The following TMEM71 variants were observed in gnomAD, a reference collection of about 807,000 sequenced individuals.
The protein encoded by TMEM71 is transmembrane protein 71.
Under a neutral mutation model 38.0 loss-of-function variants are expected in TMEM71, and 44 were observed. That is an observed-to-expected ratio of 1.16 (90% CI 0.91 to 1.49). TMEM71 has a LOEUF of 1.49. TMEM71 is among the 40% of genes most tolerant of loss of function. The pLI, the probability that TMEM71 is intolerant of heterozygous loss-of-function variation, is 0.00. For missense variants in TMEM71, 367 were observed against 348.6 expected (o/e 1.05, Z -0.42); for synonymous variants, 133 against 122.5 (o/e 1.09, Z -0.56).
intron 5 of TMEM71, among the ~76,000 whole-genome samples, chr8:132,746,458 T>C (rs150929100): frequency 0.11 from 1,205 of 10,742 alleles, 7 homozygotes; most frequent in Non-Finnish European, 0.17. Context: ...TATACATATA[T>C]ATATACATAT....
At chr8:132,756,776 A>T (rs1050039543) in intron 3 of TMEM71, among the ~76,000 whole-genome samples, 29 of 151,844 alleles carry the variant, frequency 1.9e-4, no homozygotes, top group African/African-American at 7.0e-4. Flanking sequence ...TAGTAGAGAC[A>T]AGGTTTCACC....
At chr8:132,750,533 A>G (rs916100500) in intron 4 of TMEM71, among the ~76,000 whole-genome samples, 3 of 152,176 alleles carry the variant, frequency 2.0e-5, no homozygotes, top group Admixed American at 2.0e-4. Flanking sequence ...CTTGATTCCA[A>G]CTGAAGCCAA....
chr8:132,749,173 C>A (rs1828554714), intron 4 of TMEM71, among the ~76,000 whole-genome samples: 1 of 152,068 alleles, frequency 6.6e-6, no homozygotes, highest in Admixed American at 6.5e-5. Flanking sequence ...TGTAAGAAAA[C>A]CACCTTGCAA....
chr8:132,756,148 G>A (rs1828989978), intron 3 of TMEM71, among the ~76,000 whole-genome samples: 1 of 151,886 alleles, frequency 6.6e-6, no homozygotes, highest in African/African-American at 2.4e-5. Context: ...AGGAATAAGA[G>A]ACAGTCAGAG....
At chr8:132,732,299 T>C (rs1563748620) in intron 5 of TMEM71, among the ~76,000 whole-genome samples, 1 of 151,716 alleles carries the variant, frequency 6.6e-6, no homozygotes, top group Non-Finnish European at 1.5e-5. Context: ...GAAGGATGAG[T>C]AACAGTTCTT....
chr8:132,751,774 G>T lies in TMEM71; in HGVS notation c.314+11C>A. On this transcript the variant is annotated intron_variant, in intron 4 of 9. Coordinates refer to ENST00000677595, the MANE Select transcript of TMEM71 (RefSeq NM_001382403.1). ...GACTTCAGATTTCTTTCTGTAATAT[G>T]CTCTGCTTACCTAACTAAGTTCTCC... 1 of 1,608,904 alleles carries T rather than the reference G, an allele frequency of 6.2e-7. No homozygotes were observed. Among genetic ancestry groups the T allele is most frequent in the South Asian group, 1.1e-5 (1 of 90,962 alleles).
intron 7 of TMEM71, among the ~76,000 whole-genome samples, chr8:132,720,172 T>C (rs1457701799): frequency 6.6e-6 from 1 of 152,208 alleles, no homozygotes. Context: ...ACTTGTTCAC[T>C]TGCAGCAGTG....
intron 9 of TMEM71, among the ~76,000 whole-genome samples, chr8:132,711,230 T>C (rs1181115991): frequency 6.6e-6 from 1 of 152,170 alleles, no homozygotes; most frequent in Non-Finnish European, 1.5e-5. Flanking sequence ...TTTTGACCCC[T>C]CAGCCCAGCG....
the TMEM71 span, among the ~76,000 whole-genome samples, chr8:132,767,409 T>G: frequency 6.6e-6 from 1 of 152,136 alleles, no homozygotes; most frequent in African/African-American, 2.4e-5. Flanking sequence ...TTTCATGCAT[T>G]TGATTCCAGT....
At chr8:132,722,382 C>T (rs978176892) in intron 6 of TMEM71, among the ~76,000 whole-genome samples, 2 of 152,060 alleles carry the variant, frequency 1.3e-5, no homozygotes, top group Non-Finnish European at 2.9e-5. Context: ...TTAGGGCTTG[C>T]CTTTTGATTT....
chr8:132,709,029 G>T (rs565072247), downstream of TMEM71, among the ~76,000 whole-genome samples: 4 of 152,232 alleles, frequency 2.6e-5, no homozygotes, highest in South Asian at 2.1e-4. Context: ...TTATACAGCC[G>T]GGGAGAAAAT....
upstream of TMEM71, among the ~76,000 whole-genome samples, chr8:132,764,312 G>GTA (rs1446632139): frequency 6.6e-6 from 1 of 151,930 alleles, no homozygotes; most frequent in Non-Finnish European, 1.5e-5. Context: ...GTGTGTGTGT[G>GTA]TGTATTGCAC....
intron 7 of TMEM71, among the ~76,000 whole-genome samples, chr8:132,717,514 G>A (rs1353093086): frequency 2.0e-5 from 3 of 152,058 alleles, no homozygotes; most frequent in Non-Finnish European, 4.4e-5. Flanking sequence ...TATCCATCAG[G>A]GAAATGCAAA....
chr8:132,762,454 C>T (rs1829313899), upstream of TMEM71, among the ~76,000 whole-genome samples: 1 of 151,992 alleles, frequency 6.6e-6, no homozygotes, highest in Non-Finnish European at 1.5e-5. Context: ...TTCCGAAGAG[C>T]TCACATCAGA....
intron 3 of TMEM71, 68 bp downstream of exon 3, chr8:132,757,166 G>C (rs1829069010): frequency 8.5e-7 from 1 of 1,173,216 alleles, no homozygotes; most frequent in Non-Finnish European, 1.2e-6. Context: ...AAAGTGCTGG[G>C]ATTACAGGCA....
chr8:132,716,121 T>A (rs921798621), intron 7 of TMEM71, among the ~76,000 whole-genome samples: 1 of 152,176 alleles, frequency 6.6e-6, no homozygotes, highest in Non-Finnish European at 1.5e-5. Context: ...GCCATGGCTC[T>A]GAACCCAGGC....
At position 132,742,404 on chromosome 8, in the gene TMEM71, A is replaced by G. The variant is rs1033124914; in HGVS notation, c.487+4538T>C. Among the ~76,000 whole-genome samples, 2 of 152,282 alleles carry G rather than the reference A, an allele frequency of 1.3e-5. 1 individual carries two copies. Among genetic ancestry groups the G allele is most frequent in the African/African-American group, 4.8e-5 (2 of 41,568 alleles). ...AACAAACCAAAACAACAACAAAAAA[A>G]CACTCCGATGTTGTCTCCCTCTGAA... On this transcript the variant is annotated intron_variant, in intron 5 of 9. Transcript: ENST00000677595.
chr8:132,746,860 C>T, intron 5 of TMEM71, 82 bp downstream of exon 5: 2 of 1,153,902 alleles, frequency 1.7e-6, no homozygotes, highest in Non-Finnish European at 2.4e-6. Context: ...ATCCCTGGAA[C>T]TGACATTGGT....
intron 7 of TMEM71, among the ~76,000 whole-genome samples, chr8:132,721,309 T>C (rs181415241): frequency 4.1e-4 from 62 of 152,226 alleles, no homozygotes; most frequent in African/African-American, 1.4e-3. Flanking sequence ...TAAGAAGGCA[T>C]GAAGAGACAA....
Sources: allele counts gnomAD v4.1 joint callset (sites outside exome capture counted in the v4.1 genomes callset), GRCh38; gene constraint gnomAD v4.1.1; transcripts MANE v1.5; gene names NCBI Gene and HGNC (gene_info 2026-07-23, HGNC 2026-07-21).